Variants in CLSTN1 observed in about 807,000 individuals in gnomAD.
The protein encoded by CLSTN1 is calsyntenin-1.
Under a neutral mutation model 108.3 loss-of-function variants are expected in CLSTN1, and 28 were observed. That is an observed-to-expected ratio of 0.26 (90% CI 0.19 to 0.35). The LOEUF is 0.35. Among genes scored for constraint, CLSTN1 ranks in the 10% least tolerant of loss-of-function variants. CLSTN1 has a pLI of 1.00. For synonymous variants in CLSTN1, 524 were observed against 534.9 expected (o/e 0.98, Z 0.28); for missense variants, 1,157 against 1,302.6 (o/e 0.89, Z 1.72).
chr1:9,766,765 T>C (rs1267147075), intron 2 of CLSTN1, among the ~76,000 whole-genome samples: 9 of 152,220 alleles, frequency 5.9e-5, no homozygotes. Flanking sequence ...AACTGAATCA[T>C]TTAAATTTCC....
At chr1:9,763,188 C>T (rs1652167232) in intron 2 of CLSTN1, among the ~76,000 whole-genome samples, 1 of 152,160 alleles carries the variant, frequency 6.6e-6, no homozygotes, top group Admixed American at 6.6e-5. Flanking sequence ...TCTCAAACTC[C>T]TGACCTCAAG....
At chr1:9,812,937 G>A (rs1314825781) in intron 1 of CLSTN1, among the ~76,000 whole-genome samples, 1 of 151,956 alleles carries the variant, frequency 6.6e-6, no homozygotes, top group African/African-American at 2.4e-5. Context: ...GCTGAGGTGG[G>A]AGGATCACTT....
intron 1 of CLSTN1, among the ~76,000 whole-genome samples, chr1:9,776,500 GA>G (rs1652948509): frequency 6.6e-6 from 1 of 151,882 alleles, no homozygotes; most frequent in Non-Finnish European, 1.5e-5. Flanking sequence ...TGGTAGACAG[GA>G]AAATTTTGCT....
At chr1:9,814,873 C>G (rs1351101321) in intron 1 of CLSTN1, among the ~76,000 whole-genome samples, 1 of 151,062 alleles carries the variant, frequency 6.6e-6, no homozygotes, top group Non-Finnish European at 1.5e-5. Context: ...GCACTCCAGC[C>G]TGGGCAACAG....
chr1:9,784,168 A>C (rs1237857790), intron 1 of CLSTN1, among the ~76,000 whole-genome samples: 5 of 132,026 alleles, frequency 3.8e-5, no homozygotes, highest in Admixed American at 7.9e-5. Context: ...GCGAAACTCT[A>C]TCTCAAAAAA....
chr1:9,812,028 T>G (rs1420789652), intron 1 of CLSTN1, among the ~76,000 whole-genome samples: 17 of 152,044 alleles, frequency 1.1e-4, no homozygotes. Flanking sequence ...TCCCAACTAC[T>G]CAGGAGGCTG....
At chr1:9,784,996 C>CTTT (rs549145155) in intron 1 of CLSTN1, among the ~76,000 whole-genome samples, 20 of 133,464 alleles carry the variant, frequency 1.5e-4, no homozygotes, top group South Asian at 4.8e-4. Context: ...GTCATAAATT[C>CTTT]TTTTTTTTTT....
intron 1 of CLSTN1, among the ~76,000 whole-genome samples, chr1:9,820,694 G>A (rs1655160103): frequency 6.6e-6 from 1 of 152,168 alleles, no homozygotes; most frequent in Admixed American, 6.5e-5. Flanking sequence ...ATACTGGCAT[G>A]CCTCTGGTGT....
intron 2 of CLSTN1, among the ~76,000 whole-genome samples, chr1:9,771,310 T>C (rs1301131621): frequency 6.6e-6 from 1 of 152,072 alleles, no homozygotes; most frequent in Non-Finnish European, 1.5e-5. Flanking sequence ...TGAAACCTCG[T>C]CTCTACTAAA....
intron 3 of CLSTN1, 70 bp from the exon 4 acceptor site, chr1:9,755,379 C>G (rs41280778): frequency 0.012 from 15,314 of 1,257,226 alleles, 120 homozygotes; most frequent in Non-Finnish European, 0.015. Context: ...CCTCCTCCCC[C>G]CATCTCCACC....
Position 9,735,536 on chromosome 1 carries a change from AT to A in CLSTN1, c.1813del (p.Ile605SerfsTer4). 6.2e-7 allele frequency: 1 copy of A among 1,614,098 alleles called. No homozygotes were observed. The highest frequency in any genetic ancestry group is 8.5e-7 in the Non-Finnish European group (1 of 1,180,014). ...LGELDKAMQH[I>X]SYLNSRQFPT... ...GAACTGCCGGGAGTTCAGGTACGAGATGTGCTGCATGGCCTTATCCAATTCC... is the reference window on the plus strand; with the variant it reads ...GAACTGCCGGGAGTTCAGGTACGAGAGTGCTGCATGGCCTTATCCAATTCC... On this transcript the variant is annotated frameshift_variant, in exon 13 of 19. Coordinates refer to ENST00000377298, the MANE Select transcript of CLSTN1 (RefSeq NM_001009566.3). LOFTEE classifies it high-confidence loss of function.
rs757629219 is a variant in CLSTN1, at chr1:9,735,985, C to A, written c.1634G>T (p.Arg545Leu). 2 of 1,614,156 alleles carry A rather than the reference C, an allele frequency of 1.2e-6. No individual in the cohort carries two copies. Among genetic ancestry groups the A allele is most frequent in the South Asian group, 2.2e-5 (2 of 91,084 alleles). ...FRGNLAGLTL[R>L]SGKLADKKVI... ...CTTCTTATCCGCGAGTTTCCCGGAA[C>A]GGAGAGTTAAGCCAGCCAGATTGCC... is the stretch of plus-strand genomic sequence containing the variant. Residue 545 changes from arginine (R) to leucine (L), a missense_variant, in exon 12 of 19, where the codon CGT becomes CTT. By Grantham distance (102) the Arg-to-Leu change is moderately radical. Transcript: ENST00000377298.
chr1:9,748,990 A>T (rs574764664), intron 7 of CLSTN1, among the ~76,000 whole-genome samples: 1 of 151,566 alleles, frequency 6.6e-6, no homozygotes, highest in African/African-American at 2.4e-5. Context: ...CTGCAGCCTC[A>T]ACCTCCCGGG....
chr1:9,748,929 G>C (rs1034694225), intron 7 of CLSTN1, among the ~76,000 whole-genome samples: 26 of 152,010 alleles, frequency 1.7e-4, no homozygotes, highest in African/African-American at 6.3e-4. Flanking sequence ...TTTTAAAACA[G>C]GGTCTCACTC....
chr1:9,760,684 G>GTTTTTTTTT (rs762619559), intron 2 of CLSTN1, among the ~76,000 whole-genome samples: 2 of 102,406 alleles, frequency 2.0e-5, no homozygotes, highest in African/African-American at 4.3e-5. Context: ...CCATTCCCGG[G>GTTTTTTTTT]TTTTTTTTTT....
chr1:9,815,161 G>T (rs567823690), intron 1 of CLSTN1, among the ~76,000 whole-genome samples: 1 of 152,322 alleles, frequency 6.6e-6, no homozygotes, highest in African/African-American at 2.4e-5. Context: ...AAAAACAACA[G>T]ACTGTAGGCT....
At chr1:9,762,842 G>A (rs576096908) in intron 2 of CLSTN1, among the ~76,000 whole-genome samples, 183 of 152,160 alleles carry the variant, frequency 1.2e-3, no homozygotes, top group African/African-American at 4.2e-3. Flanking sequence ...GCACTCAACG[G>A]CTGGGTGTCC....
intron 4 of CLSTN1, 136 bp downstream of exon 4, chr1:9,754,978 T>C (rs892492463): frequency 3.1e-5 from 20 of 644,898 alleles, no homozygotes; most frequent in Admixed American, 1.2e-4. Flanking sequence ...TACAATCTAA[T>C]TGTAGACACT....
intron 2 of CLSTN1, among the ~76,000 whole-genome samples, chr1:9,756,904 G>A (rs544888147): frequency 1.9e-4 from 29 of 151,806 alleles, no homozygotes; most frequent in African/African-American, 5.6e-4. Flanking sequence ...TCAGCCTCCC[G>A]AGTAGCTGGG....
Sources: allele counts gnomAD v4.1 joint callset (sites outside exome capture counted in the v4.1 genomes callset), GRCh38; gene constraint gnomAD v4.1.1; transcripts MANE v1.5; gene names NCBI Gene and HGNC (gene_info 2026-07-23, HGNC 2026-07-21).